The following COL9A1 variants were observed in gnomAD, a reference collection of about 807,000 sequenced individuals.
The protein encoded by COL9A1 is collagen alpha-1(IX) chain.
Under a neutral mutation model 142.6 loss-of-function variants are expected in COL9A1, and 104 were observed. The observed-to-expected ratio is 0.73, with a 90% CI of 0.62 to 0.86. COL9A1 has a LOEUF of 0.86. Among genes scored for constraint, COL9A1 ranks in the 40% least tolerant of loss-of-function variants. The pLI is 0.00. For missense variants in COL9A1, 1,210 were observed against 1,176.6 expected, an observed-to-expected ratio of 1.03 and a Z score of -0.42; for synonymous variants, 466 against 396.0, an observed-to-expected ratio of 1.18 and a Z score of -2.10.
intron 10 of COL9A1, among the ~76,000 whole-genome samples, chr6:70,276,513 A>G (rs1772772905): frequency 6.6e-6 from 1 of 152,204 alleles, no homozygotes; most frequent in Non-Finnish European, 1.5e-5. Flanking sequence ...CGGTTACTTC[A>G]TATTAAAAAT....
intron 5 of COL9A1, 72 bp from the exon 6 acceptor site, chr6:70,283,892 A>G (rs1773331907): frequency 1.9e-6 from 2 of 1,042,568 alleles, no homozygotes; most frequent in Non-Finnish European, 2.9e-6. Flanking sequence ...GAGAGAGATG[A>G]GTTGCGTCTA....
rs71538408 is a variant in COL9A1 at position 70,234,235 on chromosome 6, A to AGT, written c.2314+302_2314+303dup. On this transcript the variant is annotated intron_variant, in intron 35 of 37. Transcript: ENST00000357250. ...AAGAATTTGTGTTCCAAAGGAAAAAAGTGTGTGTGTGTGTGTGTGTGTGCA... is the reference window on the plus strand; with the variant it reads ...AAGAATTTGTGTTCCAAAGGAAAAAAGTGTGTGTGTGTGTGTGTGTGTGTGCA... Among the ~76,000 whole-genome samples the AGT allele has an allele frequency of 0.061, 9,032 of 146,986 alleles. 308 individuals carry two copies. Among genetic ancestry groups the AGT allele is most frequent in the Non-Finnish European group, 0.077 (5,099 of 66,544 alleles).
At chr6:70,289,240 T>C (rs1001636763) in intron 5 of COL9A1, among the ~76,000 whole-genome samples, 1 of 152,188 alleles carries the variant, frequency 6.6e-6, no homozygotes, top group African/African-American at 2.4e-5. Context: ...CAAAGATTTC[T>C]TTATGGTCTT....
intron 5 of COL9A1, among the ~76,000 whole-genome samples, chr6:70,287,970 G>A (rs866073395): frequency 8.6e-5 from 13 of 152,040 alleles, no homozygotes; most frequent in Admixed American, 3.9e-4. Context: ...CTTGTCTCTT[G>A]GTGATTTCCT....
intron 35 of COL9A1, 133 bp downstream of exon 35, chr6:70,234,406 A>G: frequency 1.1e-6 from 1 of 877,360 alleles, no homozygotes; most frequent in Non-Finnish European, 1.9e-6. Context: ...ATTGGCATTA[A>G]TATTACCCTA....
chr6:70,280,381 T>G, intron 10 of COL9A1: 1 of 1,171,746 alleles, frequency 8.5e-7, no homozygotes, highest in Non-Finnish European at 1.1e-6. Flanking sequence ...TCTAAATTAA[T>G]GCAGGGAGTG....
chr6:70,235,811 C>T (rs1053419699), intron 33 of COL9A1, among the ~76,000 whole-genome samples: 1 of 151,888 alleles, frequency 6.6e-6, no homozygotes, highest in African/African-American at 2.4e-5. Flanking sequence ...ATTTAAAATG[C>T]TGCATTTAAA....
intron 28 of COL9A1, among the ~76,000 whole-genome samples, chr6:70,250,929 G>C (rs1297829327): frequency 2.6e-5 from 4 of 152,138 alleles, no homozygotes; most frequent in African/African-American, 9.7e-5. Context: ...GAAAAGTCTG[G>C]TGGTTTCTCC....
rs918918289 is a variant in COL9A1 at position 70,248,508 on chromosome 6, A to G, written c.1872+3612T>C. Among the ~76,000 whole-genome samples the G allele has an allele frequency of 2.6e-5, 4 of 152,218 alleles. No individual in the cohort carries two copies. In the East Asian group the frequency reaches 7.7e-4, roughly 29 times the overall value. On this transcript the variant is annotated intron_variant, in intron 28 of 37. Coordinates refer to ENST00000357250, the MANE Select transcript of COL9A1 (RefSeq NM_001851.6). ...GAAAAACTGATCAAACGTGTGAGGC[A>G]TTGTTAAAAATGTATGAAGTTATCT...
At chr6:70,242,627 C>A (rs772930988) in intron 29 of COL9A1, 35 bp downstream of exon 29, 4 of 1,582,728 alleles carry the variant, frequency 2.5e-6, no homozygotes, top group Non-Finnish European at 3.5e-6. Flanking sequence ...CATTGTGTTT[C>A]GTAGAAGGCA....
chr6:70,218,416 T>A (rs916121745), intron 37 of COL9A1, among the ~76,000 whole-genome samples: 4 of 152,168 alleles, frequency 2.6e-5, no homozygotes, highest in African/African-American at 9.6e-5. Context: ...CAGCACCCCA[T>A]AACAAAGAGG....
At chr6:70,229,302 C>A (rs1444459525) in intron 36 of COL9A1, among the ~76,000 whole-genome samples, 2 of 152,080 alleles carry the variant, frequency 1.3e-5, no homozygotes, top group African/African-American at 4.8e-5. Flanking sequence ...TGTACAAAAA[C>A]CAGCTTAGGG....
At position 70,216,737 on chromosome 6, in the gene COL9A1, A is replaced by T; in HGVS notation, c.*160T>A. On this transcript the variant is annotated 3_prime_UTR_variant, in exon 38 of 38. Coordinates refer to ENST00000357250, the MANE Select transcript of COL9A1 (RefSeq NM_001851.6). ...ACTTACTGAATAGCACCGTTCTTCT[A>T]TATGTGATTGTCAAGTAGGACTTCT... 1.3e-6 allele frequency: 1 copy of T among 754,920 alleles called. No individual in the cohort carries two copies. The highest frequency in any genetic ancestry group is 2.3e-6 in the Non-Finnish European group (1 of 429,644). The allele number at this position is 754,920 out of a possible 1,614,324, so 46.8% of individuals were successfully genotyped here. A position where few individuals can be genotyped will look rare whatever the true frequency, so the allele number is the denominator to read the frequency against.
chr6:70,280,264 T>G, intron 10 of COL9A1: 1 of 1,248,430 alleles, frequency 8.0e-7, no homozygotes, highest in Non-Finnish European at 1.0e-6. Context: ...TAGTTTTGAA[T>G]TTCTAAATTC....
chr6:70,241,558 G>T, intron 30 of COL9A1, 104 bp from the exon 31 acceptor site: 1 of 928,778 alleles, frequency 1.1e-6, no homozygotes, highest in Non-Finnish European at 1.7e-6. Context: ...CGGATAATGT[G>T]ATGGGAGAGG....
intron 10 of COL9A1, chr6:70,280,244 G>C: frequency 8.3e-7 from 1 of 1,207,366 alleles, no homozygotes; most frequent in Non-Finnish European, 1.1e-6. Flanking sequence ...TCCATGGAAA[G>C]ACGAAAATCT....
chr6:70,274,318 G>T lies in COL9A1; in HGVS notation c.1030-236C>A, dbSNP rs536864848. On this transcript the variant is annotated intron_variant, in intron 11 of 37. Transcript: ENST00000357250. The stretch of plus-strand genomic sequence containing the variant: ...GATCATCCCATCACCCAGCTATTAA[G>T]CCTGGCATCCACTAGCTATTCTTCC... 8.1e-4 allele frequency among the ~76,000 whole-genome samples: 123 copies of T among 152,024 alleles called. 2 individuals are homozygous for T. The highest frequency in any genetic ancestry group is 2.8e-3 in the African/African-American group (117 of 41,480).
At chr6:70,287,638 T>A (rs748839100) in intron 5 of COL9A1, among the ~76,000 whole-genome samples, 7 of 151,968 alleles carry the variant, frequency 4.6e-5, no homozygotes, top group Non-Finnish European at 1.0e-4. Flanking sequence ...ATTCTTCTCC[T>A]CATTTTCTCT....
chr6:70,267,400 G>A (rs760558266), intron 17 of COL9A1, among the ~76,000 whole-genome samples: 119 of 141,784 alleles, frequency 8.4e-4, no homozygotes, highest in Middle Eastern at 4.2e-3. Context: ...TCTGCTCACC[G>A]CAACCTCCAC....
Sources: gnomAD v4.1 joint callset for allele counts (sites outside exome capture counted in the v4.1 genomes callset) on GRCh38, gnomAD v4.1.1 for gene constraint, MANE v1.5 for transcripts, NCBI Gene and HGNC (gene_info 2026-07-23, HGNC 2026-07-21) for gene names.